The following KMT2D variants were observed in gnomAD, a reference collection of about 807,000 sequenced individuals.
The protein encoded by KMT2D is lysine methyltransferase 2D.
Under a neutral mutation model 512.7 loss-of-function variants are expected in KMT2D, and 55 were observed. The observed-to-expected ratio is 0.11, with a 90% CI of 0.09 to 0.13. KMT2D has a LOEUF of 0.13. Ranked by LOEUF, KMT2D falls within the 10% of genes least tolerant of loss-of-function variation. The pLI is 1.00. For missense variants in KMT2D, 6,061 were observed against 7,127.9 expected, an observed-to-expected ratio of 0.85 and a Z score of 5.39; for synonymous variants, 2,995 against 2,904.0, an observed-to-expected ratio of 1.03 and a Z score of -1.01.
chr12:49,029,019 C>A (rs935253390), intron 45 of KMT2D, 42 bp downstream of exon 45: 1 of 1,606,352 alleles, frequency 6.2e-7, no homozygotes, highest in Non-Finnish European at 8.5e-7. Flanking sequence ...TTCGGACAAC[C>A]CAGGTGAACT....
intron 40 of KMT2D, 33 bp downstream of exon 40, chr12:49,031,142 C>T (rs1455902984): frequency 6.2e-7 from 1 of 1,607,674 alleles, no homozygotes; most frequent in African/African-American, 1.3e-5. Context: ...CTAGGACCCA[C>T]TCTACCTGCT....
In KMT2D at chr12:49,051,568, T is replaced by A; in HGVS notation, c.2115A>T (p.Ser705=). 6.2e-7 allele frequency: 1 copy of A among 1,607,268 alleles called. No individual in the cohort carries two copies. The highest frequency in any genetic ancestry group is 1.1e-5 in the South Asian group (1 of 90,400). Residue 705 remains serine (S), a synonymous_variant, in exon 11 of 55, where the codon TCA becomes TCT. Transcript: ENST00000301067. ...DSPTSPPPED[S]PASPPPEDSL... Reference sequence around the variant, plus strand: ...AGTCCTCCGGTGGTGGGGAAGCAGGTGAGTCCTCAGGTGGTGGGGATGTGG... The same window carrying A: ...AGTCCTCCGGTGGTGGGGAAGCAGGAGAGTCCTCAGGTGGTGGGGATGTGG...
At chr12:49,028,787 G>C (rs757742963) in intron 46 of KMT2D, 41 bp downstream of exon 46, 16 of 1,609,016 alleles carry the variant, frequency 9.9e-6, no homozygotes, top group Middle Eastern at 3.8e-4. Flanking sequence ...ACTGCCCTCT[G>C]ATCAGGTTCC....
Position 49,040,232 on chromosome 12 carries a change from C to T in KMT2D, c.7538G>A (p.Gly2513Glu), listed in dbSNP as rs1943441906. The change falls in exon 32 of 55, where the codon GGG becomes GAG. Residue 2513 changes from glycine (G) to glutamate (E), a missense_variant. Gly to Glu is a moderately conservative substitution (Grantham distance 98, BLOSUM62 -2). Around this residue, in one of 16 missense-constraint regions of KMT2D, gnomAD observed 710 missense variants for 647.3 expected, o/e 1.10. Coordinates refer to ENST00000301067, the MANE Select transcript of KMT2D (RefSeq NM_003482.4). ...GGACCGGACAAAATTGGGGGGCTGCCCACTTGGGACCTTGGCATGGAGCTC... is the reference window on the plus strand; with the variant it reads ...GGACCGGACAAAATTGGGGGGCTGCTCACTTGGGACCTTGGCATGGAGCTC... ...AGELHAKVPS[G>E]QPPNFVRSPG... is the part of the protein sequence containing the mutation. The T allele has an allele frequency of 3.1e-6, 5 of 1,612,948 alleles. No homozygotes were observed. Among genetic ancestry groups the T allele is most frequent in the Non-Finnish European group, 4.2e-6 (5 of 1,179,540 alleles).
rs1489334159 is a variant in KMT2D, at chr12:49,021,550, G to A, written c.*230C>T. ...TGTCTGGCCCCTCCTGGAGCTGGGG[G>A]CAGAGATGCCAGCCTGAGGGCCGGT... On this transcript the variant is annotated 3_prime_UTR_variant, in exon 55 of 55. Coordinates refer to ENST00000301067, the MANE Select transcript of KMT2D (RefSeq NM_003482.4). 1.1e-5 allele frequency: 6 copies of A among 550,498 alleles called. No homozygotes were observed. The highest frequency in any genetic ancestry group is 1.6e-5 in the Non-Finnish European group (5 of 309,606). 34.1% of individuals were successfully genotyped at this position (550,498 alleles called of 1,614,324 possible).
In KMT2D at chr12:49,041,100, C is replaced by G; in HGVS notation, c.6670G>C (p.Gly2224Arg). Residue 2224 changes from glycine (G) to arginine (R), a missense_variant, in exon 32 of 55, where the codon GGG becomes CGG. This residue lies in a region of KMT2D where 710 missense variants were observed against 647.3 expected (regional missense o/e 1.10). Transcript: ENST00000301067. The surrounding 1 kb of genome is among the most constrained non-coding windows in gnomAD (Gnocchi z 5.4). ...ASSRPGAGQP[G>R]EFHTTPPGTP... is the part of the protein sequence containing the mutation. ...CCAGGTGGGGTAGTGTGGAATTCCC[C>G]TGGCTGGCCAGCCCCAGGACGAGAT... The G allele has an allele frequency of 6.5e-7, 1 of 1,531,882 alleles. No individual in the cohort carries two copies. Among genetic ancestry groups the G allele is most frequent in the Non-Finnish European group, 8.7e-7 (1 of 1,143,122 alleles). The allele number at this position is 1,531,882 out of a possible 1,614,324, so 94.9% of individuals were successfully genotyped here.
At chr12:49,050,865 A>G (rs1461083952) in intron 11 of KMT2D, 21 bp downstream of exon 11, 1 of 1,547,908 alleles carries the variant, frequency 6.5e-7, no homozygotes, top group Non-Finnish European at 8.7e-7. Flanking sequence ...CCAGAATAAC[A>G]GAGTACTAAC....
In KMT2D at chr12:49,024,554, T is replaced by C. The variant is rs760999651; in HGVS notation, c.16052+24A>G. ...CTGTCAACACCCACACCCACATCCC[T>C]TGGCTCCAGCATCACAAGCTCACCG... On this transcript the variant is annotated intron_variant, in intron 51 of 54. Coordinates refer to ENST00000301067, the MANE Select transcript of KMT2D (RefSeq NM_003482.4). The surrounding 1 kb of genome is among the most constrained non-coding windows in gnomAD (Gnocchi z 4.5). The C allele has an allele frequency of 6.3e-7, 1 of 1,591,406 alleles. No homozygotes were observed. Among genetic ancestry groups the C allele is most frequent in the Non-Finnish European group, 8.6e-7 (1 of 1,165,686 alleles).
chr12:49,044,490 G>A lies in KMT2D; in HGVS notation c.4996C>T (p.Leu1666=). 1 of 1,613,978 alleles carries A rather than the reference G, an allele frequency of 6.2e-7. No homozygotes were observed. The highest frequency in any genetic ancestry group is 8.5e-7 in the Non-Finnish European group (1 of 1,179,872). The change falls in exon 21 of 55, where the codon CTG becomes TTG. Residue 1666 remains leucine (L), a synonymous_variant. Coordinates refer to ENST00000301067, the MANE Select transcript of KMT2D (RefSeq NM_003482.4). This position sits in a 1 kb window ranked among gnomAD's most constrained non-coding sequence, Gnocchi z 6.4. The part of the protein sequence containing the change: ...GVEHMECEIK[L]EGPVSPDVEP... ...ACATCAGGGCTGACGGGGCCCTCCA[G>A]TTTAATTTCGCACTCCATGTGCTCC...
chr12:49,037,066 C>T (rs1032229431), intron 35 of KMT2D, 59 bp downstream of exon 35: 12 of 1,516,870 alleles, frequency 7.9e-6, no homozygotes, highest in East Asian at 6.8e-5. Context: ...CCTCAGTGCC[C>T]ATTTAGGGAT....
At position 49,051,331 on chromosome 12, in the gene KMT2D, CT is replaced by C; in HGVS notation, c.2351del (p.Glu784GlyfsTer146). On this transcript the variant is annotated frameshift_variant, in exon 11 of 55. Transcript: ENST00000301067. LOFTEE classifies it high-confidence loss of function. The part of the protein sequence containing the change: ...PEEPCLCAVP[E>X]EPHLSPQAEG... ...CAGCCTGGGGGGACAAGTGTGGCTC[CT>C]CAGGCACAGCGCATAGGCATGGCTC... The C allele has an allele frequency of 6.3e-7, 1 of 1,595,998 alleles. No homozygotes were observed. The highest frequency in any genetic ancestry group is 2.2e-5 in the East Asian group (1 of 44,484).
Position 49,049,704 on chromosome 12 carries a change from G to A in KMT2D, c.3884C>T (p.Pro1295Leu), listed in dbSNP as rs2120638627. 1 of 1,595,066 alleles carries A rather than the reference G, an allele frequency of 6.3e-7. No homozygotes were observed. The highest frequency in any genetic ancestry group is 1.3e-5 in the African/African-American group (1 of 74,766). Residue 1295 changes from proline (P) to leucine (L), a missense_variant, in exon 12 of 55, where the codon CCA (proline) becomes CTA (leucine). Pro to Leu is a moderately conservative substitution (Grantham distance 98, BLOSUM62 -3). Coordinates refer to ENST00000301067, the MANE Select transcript of KMT2D (RefSeq NM_003482.4). ...CACCTGTTTGATGCGGGAACGGGCTGGGGAGCTGCGCCGCCGCCCCTTCTC... is the reference window on the plus strand; with the variant it reads ...CACCTGTTTGATGCGGGAACGGGCTAGGGAGCTGCGCCGCCGCCCCTTCTC... ...EGEKGRRRSSPARSRIKQGRS... is the reference protein window; with the variant it reads ...EGEKGRRRSSLARSRIKQGRS...
At position 49,042,530 on chromosome 12, in the gene KMT2D, C is replaced by T. The variant is rs2120555983; in HGVS notation, c.5867+31G>A. ...AGATGGAGGGAAAGGACAACGAGGA[C>T]TGCCCACAAAGGTTACGCAGAGACA... is the stretch of plus-strand genomic sequence containing the variant. On this transcript the variant is annotated intron_variant, in intron 28 of 54. Coordinates refer to ENST00000301067, the MANE Select transcript of KMT2D (RefSeq NM_003482.4). This position sits in a 1 kb window ranked among gnomAD's most constrained non-coding sequence, Gnocchi z 4.4. The T allele has an allele frequency of 6.2e-7, 1 of 1,607,062 alleles. No homozygotes were observed. The highest frequency in any genetic ancestry group is 8.5e-7 in the Non-Finnish European group (1 of 1,174,910).
chr12:49,032,781 A>T lies in KMT2D; in HGVS notation c.11924T>A (p.Met3975Lys), dbSNP rs1455983717. 2 of 1,557,700 alleles carry T rather than the reference A, an allele frequency of 1.3e-6. No homozygotes were observed. The highest frequency in any genetic ancestry group is 2.7e-5 in the African/African-American group (2 of 73,352). The change falls in exon 40 of 55, where the codon ATG becomes AAG. Residue 3975 changes from methionine (M) to lysine (K), a missense_variant. Met to Lys is a moderately conservative substitution (Grantham distance 95). Coordinates refer to ENST00000301067, the MANE Select transcript of KMT2D (RefSeq NM_003482.4). Reference protein sequence around the residue: ...QFQQQQQQQQMGLLNQSRTLL... With the variant: ...QFQQQQQQQQKGLLNQSRTLL... ...AGTTCGACTCTGGTTTAAAAGGCCC[A>T]TCTGCTGCTGTTGCTGCTGCTGTTG...
chr12:49,021,664 G>A lies in KMT2D; in HGVS notation c.*116C>T. 1 of 872,346 alleles carries A rather than the reference G, an allele frequency of 1.1e-6. No homozygotes were observed. Among genetic ancestry groups the A allele is most frequent in the Non-Finnish European group, 1.8e-6 (1 of 560,920 alleles). 54.0% of individuals were successfully genotyped at this position (872,346 alleles called of 1,614,324 possible). ...CTCCTGCTCCAGGGGCTCCGGGTCA[G>A]CCGGCAGCCCCAACCCTGGGTCCTG... On this transcript the variant is annotated 3_prime_UTR_variant, in exon 55 of 55. Coordinates refer to ENST00000301067, the MANE Select transcript of KMT2D (RefSeq NM_003482.4).
In KMT2D at chr12:49,031,212, A is replaced by C. The variant is rs1592115197; in HGVS notation, c.13493T>G (p.Leu4498Arg). 1 of 1,611,806 alleles carries C rather than the reference A, an allele frequency of 6.2e-7. No individual in the cohort carries two copies. Among genetic ancestry groups the C allele is most frequent in the Middle Eastern group, 1.7e-4 (1 of 6,052 alleles). Residue 4498 changes from leucine (L) to arginine (R), a missense_variant, in exon 40 of 55, where the codon CTG becomes CGG. This residue lies in a region of KMT2D where 1,600 missense variants were observed against 1,754.9 expected (regional missense o/e 0.91). Coordinates refer to ENST00000301067, the MANE Select transcript of KMT2D (RefSeq NM_003482.4). The stretch of plus-strand genomic sequence containing the variant: ...GGGGGTACCCTGTAGTTTCTGCTCC[A>C]GCCCAGCCAGCTTGCTGTCAATGTG... ...NGHIDSKLAG[L>R]EQKLQGTPSN...
rs751957535 is a variant in KMT2D at position 49,038,191 on chromosome 12, A to G, written c.9165T>C (p.Pro3055=). Residue 3055 remains proline (P), a synonymous_variant, in exon 35 of 55, where the codon CCT becomes CCC. Transcript: ENST00000301067. This position sits in a 1 kb window ranked among gnomAD's most constrained non-coding sequence, Gnocchi z 5.7. Reference sequence around the variant, plus strand: ...CCTTCTTGTCCCCAGTGTCCAGCTCAGGATCAGTATATGCCAGCAGGTCAA... The same window carrying G: ...CCTTCTTGTCCCCAGTGTCCAGCTCGGGATCAGTATATGCCAGCAGGTCAA... The part of the protein sequence containing the change: ...DEFDLLAYTD[P]ELDTGDKKDI... The G allele has an allele frequency of 2.5e-5, 40 of 1,613,736 alleles. No homozygotes were observed. In the African/African-American group the frequency reaches 5.1e-4, roughly 20 times the overall value.
chr12:49,052,219 C>A lies in KMT2D; in HGVS notation c.1464G>T (p.Pro488=), dbSNP rs201966522. 6.2e-7 allele frequency: 1 copy of A among 1,609,858 alleles called. No individual in the cohort carries two copies. The highest frequency in any genetic ancestry group is 1.1e-5 in the South Asian group (1 of 90,816). ...PLPEALHLSR[P]LEESPLSPPP... is the part of the protein sequence containing the mutation. ...GCGGAGAGAGGGGCGATTCCTCCAG[C>A]GGCCGGGACAGGTGCAATGCCTCAG... The change falls in exon 11 of 55, where the codon CCG becomes CCT. Residue 488 remains proline (P), a synonymous_variant. Transcript: ENST00000301067.
rs1592152507 is a variant in KMT2D at position 49,050,452 on chromosome 12, C to G, written c.3136G>C (p.Ala1046Pro). The G allele has an allele frequency of 5.6e-6, 9 of 1,613,868 alleles. No individual in the cohort carries two copies. The highest frequency in any genetic ancestry group is 6.8e-6 in the Non-Finnish European group (8 of 1,179,816). ...GGGGAGGGAACGGACAGTGGTAGGGCAGGAGGAGAGCACTGGGAAGGAGGG... is the reference window on the plus strand; with the variant it reads ...GGGGAGGGAACGGACAGTGGTAGGGGAGGAGGAGAGCACTGGGAAGGAGGG... The part of the protein sequence containing the change: ...NSPPSQCSPP[A>P]LPLSVPSPLS... Residue 1046 changes from alanine to proline, a missense_variant, in exon 12 of 55, where the codon GCC becomes CCC. Transcript: ENST00000301067.
Sources: gnomAD v4.1 joint callset for allele counts on GRCh38, gnomAD v4.1.1 for gene constraint, gnomAD v4.1.1 regional missense constraint, Gnocchi (gnomAD v3.1) non-coding constraint, MANE v1.5 for transcripts, NCBI Gene and HGNC (gene_info 2026-07-23, HGNC 2026-07-21) for gene names.